Variants in GPR158 observed in about 807,000 individuals in gnomAD.
GPR158 encodes the protein G protein-coupled receptor 158.
In GPR158, 30 loss-of-function variants were observed where a neutral mutation model predicts 78.2. The observed-to-expected ratio is 0.38, with a 90% CI of 0.29 to 0.52. The LOEUF (loss-of-function observed/expected upper bound fraction) is 0.52, where lower values mean the gene tolerates loss of function less well. Ranked by LOEUF, GPR158 falls within the 20% of genes least tolerant of loss-of-function variation. GPR158 has a pLI of 0.83. For missense variants in GPR158, 1,463 were observed against 1,523.5 expected (o/e 0.96, Z 0.66); for synonymous variants, 581 against 591.1 (o/e 0.98, Z 0.25).
intron 4 of GPR158, among the ~76,000 whole-genome samples, chr10:25,449,878 C>T (rs2130599476): frequency 6.6e-6 from 1 of 151,904 alleles, no homozygotes; most frequent in African/African-American, 2.4e-5. Flanking sequence ...CCCAATACAC[C>T]CAGTTATAGA....
chr10:25,423,439 C>A (rs1473591018), intron 4 of GPR158, among the ~76,000 whole-genome samples: 2 of 151,068 alleles, frequency 1.3e-5, no homozygotes, highest in Non-Finnish European at 2.9e-5. Flanking sequence ...GCACAATGTG[C>A]AGGTTTGTTA....
At chr10:25,214,286 G>A (rs969129719) in intron 1 of GPR158, among the ~76,000 whole-genome samples, 4 of 152,090 alleles carry the variant, frequency 2.6e-5, no homozygotes, top group Middle Eastern at 3.4e-3. Context: ...GAGCCACCAC[G>A]CCTGGCCGAG....
At chr10:25,563,355 C>T (rs1029210252) in intron 6 of GPR158, among the ~76,000 whole-genome samples, 1 of 151,958 alleles carries the variant, frequency 6.6e-6, no homozygotes, top group African/African-American at 2.4e-5. Context: ...TACGGTAACT[C>T]TCTTATAGAA....
chr10:25,355,529 CTGTT>C (rs1381630153), intron 2 of GPR158, among the ~76,000 whole-genome samples: 2 of 152,022 alleles, frequency 1.3e-5, no homozygotes, highest in African/African-American at 4.8e-5. Flanking sequence ...GCTCCTTTAT[CTGTT>C]TGAGGAGGTC....
At chr10:25,226,383 C>G (rs1030159507) in intron 2 of GPR158, among the ~76,000 whole-genome samples, 2 of 152,100 alleles carry the variant, frequency 1.3e-5, no homozygotes, top group Admixed American at 1.3e-4. Flanking sequence ...CTTTCAAATC[C>G]CTGAGTTTCC....
chr10:25,386,860 G>T (rs1221568041), intron 2 of GPR158, among the ~76,000 whole-genome samples: 2 of 152,038 alleles, frequency 1.3e-5, no homozygotes, highest in African/African-American at 2.4e-5. Flanking sequence ...AGTAGTTTTT[G>T]TGTGTGTGGA....
At chr10:25,413,484 G>A (rs1473188651) in intron 4 of GPR158, among the ~76,000 whole-genome samples, 1 of 152,172 alleles carries the variant, frequency 6.6e-6, no homozygotes, top group Non-Finnish European at 1.5e-5. Context: ...TCGAATTTGT[G>A]ATTCTGATGC....
intron 5 of GPR158, among the ~76,000 whole-genome samples, chr10:25,521,584 T>C (rs1020201547): frequency 3.1e-4 from 47 of 152,338 alleles, no homozygotes; most frequent in African/African-American, 1.1e-3. Context: ...GTGTGATCTT[T>C]TGGGGGCATT....
chr10:25,362,451 A>G (rs911076060), intron 2 of GPR158, among the ~76,000 whole-genome samples: 8 of 151,856 alleles, frequency 5.3e-5, no homozygotes, highest in Non-Finnish European at 1.0e-4. Flanking sequence ...TTGATATTCT[A>G]TATGAATTTT....
At chr10:25,567,404 A>G (rs908205163) in intron 6 of GPR158, among the ~76,000 whole-genome samples, 2 of 152,086 alleles carry the variant, frequency 1.3e-5, no homozygotes, top group Non-Finnish European at 2.9e-5. Flanking sequence ...AGATTGTTGG[A>G]CCATCCCTCC....
chr10:25,357,790 C>CAGAG (rs71399964), intron 2 of GPR158, among the ~76,000 whole-genome samples: 15,091 of 151,966 alleles, frequency 0.099, 1,856 homozygotes, highest in African/African-American at 0.3. Flanking sequence ...AGAGCTCCCA[C>CAGAG]AGTCCCTACT....
chr10:25,278,444 T>A (rs983388769), intron 2 of GPR158, among the ~76,000 whole-genome samples: 1 of 152,064 alleles, frequency 6.6e-6, no homozygotes, highest in Non-Finnish European at 1.5e-5. Context: ...TAATAAGTAC[T>A]AACATATAGC....
rs547826486 is a variant in GPR158, at chr10:25,259,829, T to C, written c.1008+38672T>C. ...TTTAGATTTATTCCTATCTACTTTA[T>C]TTTTGTGTTGCTATGATAAATAGTA... On this transcript the variant is annotated intron_variant, in intron 2 of 10. Coordinates refer to ENST00000376351, the MANE Select transcript of GPR158 (RefSeq NM_020752.3). Among the ~76,000 whole-genome samples the C allele has an allele frequency of 2.5e-4, 38 of 152,258 alleles. 1 individual carries two copies. In the South Asian group the frequency reaches 7.9e-3, roughly 32 times the overall value.
At chr10:25,232,286 C>G (rs1853458920) in intron 2 of GPR158, among the ~76,000 whole-genome samples, 1 of 152,000 alleles carries the variant, frequency 6.6e-6, no homozygotes, top group African/African-American at 2.4e-5. Flanking sequence ...GCATCATTAA[C>G]TTATGTGGGA....
chr10:25,574,417 A>G (rs367978952), intron 7 of GPR158, among the ~76,000 whole-genome samples: 14 of 152,280 alleles, frequency 9.2e-5, no homozygotes, highest in African/African-American at 3.1e-4. Context: ...CATGAGAATT[A>G]TTAAAAGTTA....
chr10:25,441,066 TTGTGGGCCTA>T (rs1338514195), intron 4 of GPR158, among the ~76,000 whole-genome samples: 2 of 152,192 alleles, frequency 1.3e-5, no homozygotes, highest in African/African-American at 4.8e-5. Context: ...GCTATAACCC[TTGTGGGCCTA>T]TGGCAGTAGA....
At chr10:25,587,231 T>C (rs1438553076) in intron 7 of GPR158, among the ~76,000 whole-genome samples, 4 of 152,186 alleles carry the variant, frequency 2.6e-5, no homozygotes, top group African/African-American at 9.7e-5. Flanking sequence ...GTTGGTTTCC[T>C]GAAAAAGGAA....
At chr10:25,284,744 C>T (rs1019171715) in intron 2 of GPR158, among the ~76,000 whole-genome samples, 4 of 150,794 alleles carry the variant, frequency 2.7e-5, no homozygotes, top group African/African-American at 9.7e-5. Context: ...TCCATTTTAC[C>T]TCCAATATTG....
At chr10:25,385,569 T>C (rs916164732) in intron 2 of GPR158, among the ~76,000 whole-genome samples, 7 of 152,156 alleles carry the variant, frequency 4.6e-5, no homozygotes, top group African/African-American at 1.7e-4. Flanking sequence ...CTACACCATT[T>C]CATGTTTTCA....
Sources: allele counts gnomAD v4.1 joint callset (sites outside exome capture counted in the v4.1 genomes callset), GRCh38; gene constraint gnomAD v4.1.1; transcripts MANE v1.5; gene names NCBI Gene and HGNC (gene_info 2026-07-23, HGNC 2026-07-21).